YEATS2: variants seen among roughly 807,000 people sequenced by gnomAD.
The protein encoded by YEATS2 is YEATS domain-containing protein 2.
A neutral mutation model predicts 163.2 loss-of-function variants in YEATS2; 77 were observed. That is an observed-to-expected ratio of 0.47 (90% CI 0.39 to 0.57). YEATS2 has a LOEUF of 0.57. Ranked by LOEUF, YEATS2 falls within the 20% of genes least tolerant of loss-of-function variation. YEATS2 has a pLI of 0.00. For missense variants in YEATS2, 1,549 were observed against 1,729.8 expected (o/e 0.90, Z 1.85); for synonymous variants, 631 against 645.1 (o/e 0.98, Z 0.33).
chr3:183,711,437 C>A (rs1334660231), intron 1 of YEATS2, among the ~76,000 whole-genome samples: 1 of 143,354 alleles, frequency 7.0e-6, no homozygotes, highest in Non-Finnish European at 1.5e-5. Flanking sequence ...CGCGCCACTG[C>A]ACTCCAGCCT....
intron 20 of YEATS2, among the ~76,000 whole-genome samples, chr3:183,788,913 ATT>A (rs750153525): frequency 6.6e-6 from 1 of 152,180 alleles, no homozygotes; most frequent in Non-Finnish European, 1.5e-5. Context: ...CCCTTGGGCC[ATT>A]TATGTGTCTT....
chr3:183,754,394 G>T (rs749693469), intron 11 of YEATS2, 29 bp downstream of exon 11: 1 of 1,579,530 alleles, frequency 6.3e-7, no homozygotes, highest in African/African-American at 1.3e-5. Context: ...GACAGTGTAT[G>T]TGGAGTTGAC....
intron 13 of YEATS2, among the ~76,000 whole-genome samples, chr3:183,760,740 TG>T (rs1391936636): frequency 6.6e-6 from 1 of 152,246 alleles, no homozygotes; most frequent in Non-Finnish European, 1.5e-5. Flanking sequence ...CTTTGTATTC[TG>T]GGTGTTCATT....
At chr3:183,764,393 G>T (rs969647628) in intron 15 of YEATS2, among the ~76,000 whole-genome samples, 55 of 101,890 alleles carry the variant, frequency 5.4e-4, no homozygotes, top group African/African-American at 1.8e-3. Context: ...AAAAAAAAAA[G>T]ATATCATATA....
chr3:183,767,137 G>A (rs1721983957), intron 15 of YEATS2, among the ~76,000 whole-genome samples: 1 of 152,210 alleles, frequency 6.6e-6, no homozygotes, highest in South Asian at 2.1e-4. Context: ...AGGTAGGGAG[G>A]TAGTGACAGT....
At chr3:183,755,132 T>G (rs1446341321) in intron 11 of YEATS2, among the ~76,000 whole-genome samples, 1 of 151,684 alleles carries the variant, frequency 6.6e-6, no homozygotes, top group African/African-American at 2.4e-5. Context: ...TTTTTTTTTT[T>G]GAGATGGAGT....
At chr3:183,762,747 A>G (rs1022897387) in intron 15 of YEATS2, among the ~76,000 whole-genome samples, 7 of 151,778 alleles carry the variant, frequency 4.6e-5, no homozygotes, top group African/African-American at 7.3e-5. Flanking sequence ...ATGTATTGAG[A>G]GAATTTTAAA....
chr3:183,745,449 T>C (rs1474554252), intron 8 of YEATS2, among the ~76,000 whole-genome samples: 2 of 152,130 alleles, frequency 1.3e-5, no homozygotes, highest in African/African-American at 4.8e-5. Context: ...AGAGATGCCT[T>C]GGGCCGTCTT....
intron 2 of YEATS2, among the ~76,000 whole-genome samples, chr3:183,716,158 A>G (rs1715851341): frequency 6.6e-6 from 1 of 152,016 alleles, no homozygotes; most frequent in Admixed American, 6.6e-5. Context: ...ACGGGGTTTC[A>G]CCGTGTTAGC....
At chr3:183,774,903 G>C (rs1421073640) in intron 17 of YEATS2, among the ~76,000 whole-genome samples, 1 of 152,162 alleles carries the variant, frequency 6.6e-6, no homozygotes, top group African/African-American at 2.4e-5. Context: ...AAATATTTCA[G>C]AAGTCATCCA....
At chr3:183,707,777 G>A (rs1219516621) in intron 1 of YEATS2, among the ~76,000 whole-genome samples, 4 of 147,860 alleles carry the variant, frequency 2.7e-5, no homozygotes, top group African/African-American at 1.0e-4. Context: ...TCTGCCTCCC[G>A]GGTTCAAGCA....
At chr3:183,709,484 A>G (rs1358639862) in intron 1 of YEATS2, among the ~76,000 whole-genome samples, 5 of 151,234 alleles carry the variant, frequency 3.3e-5, no homozygotes, top group Admixed American at 1.3e-4. Flanking sequence ...ATAGGCATGC[A>G]CTACCATGGC....
chr3:183,772,235 T>C, intron 15 of YEATS2, 70 bp from the exon 16 acceptor site: 1 of 1,595,400 alleles, frequency 6.3e-7, no homozygotes, highest in Non-Finnish European at 8.6e-7. Context: ...TGTTTTGCTC[T>C]CTGCCAAAAC....
chr3:183,785,229 A>G (rs263017), intron 19 of YEATS2, among the ~76,000 whole-genome samples: 75,502 of 151,316 alleles, frequency 0.5, 19,247 homozygotes, highest in Middle Eastern at 0.66. Context: ...GCTTCACGCC[A>G]GTAATCCCAG....
chr3:183,806,063 C>T, intron 27 of YEATS2: 2 of 349,112 alleles, frequency 5.7e-6, no homozygotes, highest in Non-Finnish European at 1.1e-5. Flanking sequence ...ATGGTTTGAC[C>T]TGTGATTTGA....
In YEATS2 at chr3:183,747,703, T is replaced by C. The variant is rs753029612; in HGVS notation, c.956T>C (p.Leu319Pro). ...LDRTYTGLQT[L>P]GAETVVDVEL... ...AGAACTTATACTGGCTTGCAGACTC[T>C]TGGAGCAGAGACGGTAGGTTTTTTT... The change falls in exon 9 of 31, where the codon CTT becomes CCT. Residue 319 changes from leucine to proline, a missense_variant. Leu to Pro is a moderately conservative substitution (Grantham distance 98). Coordinates refer to ENST00000305135, the MANE Select transcript of YEATS2 (RefSeq NM_018023.5). The C allele has an allele frequency of 6.2e-7, 1 of 1,613,200 alleles. No individual in the cohort carries two copies. The highest frequency in any genetic ancestry group is 1.7e-5 in the Admixed American group (1 of 60,006).
intron 9 of YEATS2, among the ~76,000 whole-genome samples, chr3:183,750,828 A>G (rs1022885473): frequency 6.6e-6 from 1 of 152,166 alleles, no homozygotes; most frequent in African/African-American, 2.4e-5. Context: ...GGAGTTATTC[A>G]TATATTCTGG....
intron 7 of YEATS2, among the ~76,000 whole-genome samples, chr3:183,733,260 A>G (rs1219593302): frequency 6.6e-6 from 1 of 152,270 alleles, no homozygotes; most frequent in African/African-American, 2.4e-5. Context: ...ACTTCTAAAC[A>G]GTAAGCTTTT....
intron 2 of YEATS2, among the ~76,000 whole-genome samples, chr3:183,716,109 G>A (rs751195806): frequency 2.0e-5 from 3 of 151,852 alleles, no homozygotes; most frequent in South Asian, 2.1e-4. Context: ...ACAGGCACCC[G>A]CCACCACGCC....
Sources: gnomAD v4.1 joint callset for allele counts (sites outside exome capture counted in the v4.1 genomes callset) on GRCh38, gnomAD v4.1.1 for gene constraint, MANE v1.5 for transcripts, NCBI Gene and HGNC (gene_info 2026-07-23, HGNC 2026-07-21) for gene names.